Variants in SUGCT observed in about 807,000 individuals in gnomAD.
SUGCT encodes succinyl-CoA:glutarate-CoA transferase, also known as succinyl-CoA:glutarate CoA-transferase.
Under a neutral mutation model 55.0 loss-of-function variants are expected in SUGCT, and 41 were observed. The ratio of observed to expected loss-of-function variants is 0.74; its 90% confidence interval spans 0.58 to 0.97. The LOEUF (loss-of-function observed/expected upper bound fraction) is 0.97, where lower values mean the gene tolerates loss of function less well. Ranked by LOEUF, SUGCT falls within the 50% of genes least tolerant of loss-of-function variation. The pLI, the probability that SUGCT is intolerant of heterozygous loss-of-function variation, is 0.00. For synonymous variants in SUGCT, 187 were observed against 200.4 expected (o/e 0.93, Z 0.56); for missense variants, 568 against 547.8 (o/e 1.04, Z -0.37).
At chr7:40,516,813 C>T (rs1353657624) in intron 12 of SUGCT, among the ~76,000 whole-genome samples, 1 of 151,732 alleles carries the variant, frequency 6.6e-6, no homozygotes. Flanking sequence ...TTTTCTAGGC[C>T]CCTTCCATTT....
At chr7:40,886,659 C>T in the SUGCT span, among the ~76,000 whole-genome samples, 16 of 152,248 alleles carry the variant, frequency 1.1e-4, no homozygotes, top group Non-Finnish European at 1.3e-4. Context: ...TTCCAGAATG[C>T]GATGCCTCCA....
intron 7 of SUGCT, among the ~76,000 whole-genome samples, chr7:40,243,343 T>C (rs1789592311): frequency 6.6e-6 from 1 of 152,108 alleles, no homozygotes; most frequent in Non-Finnish European, 1.5e-5. Context: ...TGTGTAATGT[T>C]GTATTAGGTA....
intron 12 of SUGCT, among the ~76,000 whole-genome samples, chr7:40,719,720 A>G (rs969326648): frequency 2.0e-5 from 3 of 152,198 alleles, no homozygotes; most frequent in African/African-American, 7.2e-5. Context: ...AGCTGCTGAA[A>G]TAAAGGTGCA....
chr7:40,476,538 C>T (rs1278527614), intron 11 of SUGCT, among the ~76,000 whole-genome samples: 5 of 151,878 alleles, frequency 3.3e-5, no homozygotes, highest in Admixed American at 3.3e-4. Context: ...TCTTTTTTTG[C>T]GTTTGCTTAA....
intron 12 of SUGCT, among the ~76,000 whole-genome samples, chr7:40,632,459 T>A (rs1357376798): frequency 6.6e-6 from 1 of 150,442 alleles, no homozygotes; most frequent in African/African-American, 2.5e-5. Flanking sequence ...TATTCATTTT[T>A]ATTTTTTAGT....
chr7:40,940,856 C>A, the SUGCT span, among the ~76,000 whole-genome samples: 1 of 151,988 alleles, frequency 6.6e-6, no homozygotes, highest in Non-Finnish European at 1.5e-5. Context: ...ATTTGGATGC[C>A]TTTTATTTCT....
At chr7:40,740,684 A>G (rs955018006) in intron 12 of SUGCT, among the ~76,000 whole-genome samples, 6 of 151,904 alleles carry the variant, frequency 3.9e-5, no homozygotes, top group Admixed American at 2.6e-4. Flanking sequence ...AAAAGTTGAG[A>G]TTATTCCCTT....
chr7:40,271,231 G>A (rs983355542), intron 7 of SUGCT, among the ~76,000 whole-genome samples: 1 of 152,110 alleles, frequency 6.6e-6, no homozygotes, highest in African/African-American at 2.4e-5. Context: ...GTGTAATGTT[G>A]AATTGAAGTG....
At chr7:40,251,123 C>G (rs1306859167) in intron 7 of SUGCT, among the ~76,000 whole-genome samples, 1 of 152,146 alleles carries the variant, frequency 6.6e-6, no homozygotes, top group Non-Finnish European at 1.5e-5. Flanking sequence ...GCCACCATGT[C>G]CTGCCTCATT....
At chr7:40,245,992 G>A (rs575677892) in intron 7 of SUGCT, among the ~76,000 whole-genome samples, 4 of 151,974 alleles carry the variant, frequency 2.6e-5, no homozygotes, top group South Asian at 4.1e-4. Context: ...ATGCCATCAC[G>A]CTCAGCTAAT....
At chr7:40,309,451 T>C (rs1795023878) in intron 8 of SUGCT, among the ~76,000 whole-genome samples, 1 of 152,122 alleles carries the variant, frequency 6.6e-6, no homozygotes, top group African/African-American at 2.4e-5. Context: ...CTCACCACCA[T>C]GCCCAGCTAA....
rs111764244 is a variant in SUGCT, at chr7:40,650,327, G to C, written c.1090-99107G>C. On this transcript the variant is annotated intron_variant, in intron 12 of 13. Coordinates refer to ENST00000335693, the MANE Select transcript of SUGCT (RefSeq NM_001193313.2). ...AACTAAATTCAATCTGTGCTCAAAG[G>C]GGGGGATTACACAGTAGTGTGTACC... Among the ~76,000 whole-genome samples, 656 of 152,202 alleles carry C rather than the reference G, an allele frequency of 4.3e-3. 4 individuals are homozygous for C. Among genetic ancestry groups the C allele is most frequent in the African/African-American group, 0.015 (602 of 41,514 alleles).
intron 9 of SUGCT, among the ~76,000 whole-genome samples, chr7:40,441,518 T>A (rs1176518275): frequency 6.6e-6 from 1 of 152,094 alleles, no homozygotes; most frequent in Admixed American, 6.6e-5. Context: ...TTGAAGCAAA[T>A]TTTGAAAAAG....
At chr7:40,240,236 C>T (rs1278765155) in intron 7 of SUGCT, among the ~76,000 whole-genome samples, 3 of 152,108 alleles carry the variant, frequency 2.0e-5, no homozygotes, top group African/African-American at 7.2e-5. Context: ...GTAATCCCAG[C>T]ACTTTGGGAG....
chr7:40,552,409 C>T (rs1351630711), intron 12 of SUGCT, among the ~76,000 whole-genome samples: 2 of 152,112 alleles, frequency 1.3e-5, no homozygotes, highest in Non-Finnish European at 2.9e-5. Context: ...GCTGGGGCTG[C>T]ACTCTCTGAG....
chr7:40,564,652 ATTG>A (rs1433472155), intron 12 of SUGCT, among the ~76,000 whole-genome samples: 2 of 152,140 alleles, frequency 1.3e-5, no homozygotes, highest in East Asian at 3.8e-4. Context: ...AATGAAGAAA[ATTG>A]TATAACCTAG....
intron 9 of SUGCT, among the ~76,000 whole-genome samples, chr7:40,400,477 G>A (rs548802000): frequency 6.6e-6 from 1 of 152,238 alleles, no homozygotes; most frequent in South Asian, 2.1e-4. Context: ...CCTTGGGGTA[G>A]ATACTCATTA....
chr7:40,576,570 G>A (rs182797712), intron 12 of SUGCT, among the ~76,000 whole-genome samples: 36 of 152,266 alleles, frequency 2.4e-4, no homozygotes, highest in Middle Eastern at 6.8e-3. Context: ...AGGGCATAGG[G>A]CATGGCTGTT....
intron 12 of SUGCT, among the ~76,000 whole-genome samples, chr7:40,641,803 T>G (rs1800282220): frequency 6.6e-6 from 1 of 152,196 alleles, no homozygotes; most frequent in South Asian, 2.1e-4. Context: ...TATGAAAGGC[T>G]CAGTTTCAAA....
Sources: allele counts gnomAD v4.1 joint callset (sites outside exome capture counted in the v4.1 genomes callset), GRCh38; gene constraint gnomAD v4.1.1; transcripts MANE v1.5; gene names NCBI Gene and HGNC (gene_info 2026-07-23, HGNC 2026-07-21).